SV2B: variants seen among roughly 807,000 people sequenced by gnomAD.
SV2B encodes the protein synaptic vesicle glycoprotein 2B, also known as solute carrier family 22 member B2.
In SV2B, 41 loss-of-function variants were observed where a neutral mutation model predicts 73.9. That is an observed-to-expected ratio of 0.56 (90% CI 0.43 to 0.72). SV2B has a LOEUF of 0.72. Among genes scored for constraint, SV2B ranks in the 30% least tolerant of loss-of-function variants. The pLI, the probability that SV2B is intolerant of heterozygous loss-of-function variation, is 0.00. For synonymous variants in SV2B, 314 were observed against 314.2 expected, an observed-to-expected ratio of 1.00 and a Z score of 0.01; for missense variants, 764 against 857.8, an observed-to-expected ratio of 0.89 and a Z score of 1.37.
intron 1 of SV2B, among the ~76,000 whole-genome samples, chr15:91,153,880 T>C (rs1468135957): frequency 1.3e-5 from 2 of 152,006 alleles, no homozygotes; most frequent in Non-Finnish European, 2.9e-5. Flanking sequence ...TCTCTGCAAA[T>C]GTAGGCAGGC....
In SV2B at chr15:91,254,148, CT is replaced by C. The variant is rs577707428; in HGVS notation, c.784+1635del. 8.6e-5 allele frequency among the ~76,000 whole-genome samples: 13 copies of C among 151,078 alleles called. No homozygotes were observed. The East Asian group carries it at 2.5e-3, about 29-fold the overall frequency. ...GTTTTGAGGCATTGCTTTCCTTTTT[CT>C]TTTTTTCCTCACAATTCTTGATATA... On this transcript the variant is annotated intron_variant, in intron 4 of 12. Transcript: ENST00000394232.
At chr15:91,138,549 A>T (rs2042910604) in intron 1 of SV2B, among the ~76,000 whole-genome samples, 1 of 152,210 alleles carries the variant, frequency 6.6e-6, no homozygotes. Flanking sequence ...CCAATAACAG[A>T]TTGAAGATTT....
intron 1 of SV2B, among the ~76,000 whole-genome samples, chr15:91,112,788 A>C (rs1310549096): frequency 6.6e-6 from 1 of 152,134 alleles, no homozygotes; most frequent in African/African-American, 2.4e-5. Flanking sequence ...CTTACTTATA[A>C]TCCCCACCAT....
chr15:91,156,695 C>G (rs1239677802), intron 1 of SV2B, among the ~76,000 whole-genome samples: 6 of 152,184 alleles, frequency 3.9e-5, no homozygotes, highest in Admixed American at 2.0e-4. Flanking sequence ...TAGTTGAAAA[C>G]AAACTCAGAC....
rs2141371320 is a variant in SV2B at position 91,197,196 on chromosome 15, T to C, written c.-391-28677T>C. ...AAAAGAAATGCTGTGATCATTGTTT[T>C]GTTTTTGTGTTTTTTTTGTTTTTTG... On this transcript the variant is annotated intron_variant, in intron 1 of 12. Coordinates refer to ENST00000394232, the MANE Select transcript of SV2B (RefSeq NM_001323032.3). This position sits in a 1 kb window ranked among gnomAD's most constrained non-coding sequence, Gnocchi z 4.9. Among the ~76,000 whole-genome samples, 1 of 151,844 alleles carries C rather than the reference T, an allele frequency of 6.6e-6. No individual in the cohort carries two copies. Among genetic ancestry groups the C allele is most frequent in the Non-Finnish European group, 1.5e-5 (1 of 68,028 alleles).
rs1251990586 is a variant in SV2B at position 91,241,939 on chromosome 15, C to A, written c.452-9880C>A. ...CCTCACTTTCTGTTCTCACTTGAAC[C>A]CACTTTCAGTAGAATGAATGAGTGA... On this transcript the variant is annotated intron_variant, in intron 2 of 12. Transcript: ENST00000394232. This position sits in a 1 kb window ranked among gnomAD's most constrained non-coding sequence, Gnocchi z 4.8. 6.6e-6 allele frequency among the ~76,000 whole-genome samples: 1 copy of A among 152,200 alleles called. No individual in the cohort carries two copies. The highest frequency in any genetic ancestry group is 1.5e-5 in the Non-Finnish European group (1 of 68,044).
At chr15:91,219,744 C>T (rs1303765994) in intron 1 of SV2B, among the ~76,000 whole-genome samples, 1 of 152,194 alleles carries the variant, frequency 6.6e-6, no homozygotes, top group African/African-American at 2.4e-5. Flanking sequence ...CATCAACACC[C>T]TCCCCACACC....
At chr15:91,107,170 G>A (rs2041906147) in intron 1 of SV2B, among the ~76,000 whole-genome samples, 1 of 152,084 alleles carries the variant, frequency 6.6e-6, no homozygotes, top group African/African-American at 2.4e-5. Flanking sequence ...GTGAGAAAGA[G>A]ATGCAAGCTG....
rs147066543 is a variant in SV2B, at chr15:91,281,067, A to T, written c.1374-661A>T. 2.6e-4 allele frequency among the ~76,000 whole-genome samples: 40 copies of T among 152,370 alleles called. 1 individual carries two copies. The East Asian group carries it at 6.0e-3, about 23-fold the overall frequency. ...TATGGCATCTATTACATATGTATGT[A>T]TGTAGTAATCCATTGTTGTTACAAG... On this transcript the variant is annotated intron_variant, in intron 9 of 12. Coordinates refer to ENST00000394232, the MANE Select transcript of SV2B (RefSeq NM_001323032.3). The surrounding 1 kb of genome is among the most constrained non-coding windows in gnomAD (Gnocchi z 4.7).
intron 1 of SV2B, among the ~76,000 whole-genome samples, chr15:91,131,698 C>T (rs1341579320): frequency 6.6e-6 from 1 of 151,458 alleles, no homozygotes; most frequent in Non-Finnish European, 1.5e-5. Context: ...TGTGGTGGCT[C>T]ATGCCTGTAA....
Position 91,189,993 on chromosome 15 carries a change from A to AAAAG in SV2B, c.-391-35860_-391-35857dup, listed in dbSNP as rs540890081. ...ACAGAGCGAGACGCCATCTCAAAAA[A>AAAAG]AAAGAAAGAAAGAAAGAAAGAAAAA... is the stretch of plus-strand genomic sequence containing the variant. On this transcript the variant is annotated intron_variant, in intron 1 of 12. Transcript: ENST00000394232. Among the ~76,000 whole-genome samples the AAAAG allele has an allele frequency of 7.0e-4, 107 of 152,318 alleles. 2 individuals carry two copies. The South Asian group carries it at 0.018, about 26-fold the overall frequency.
chr15:91,161,583 T>C (rs914202443), intron 1 of SV2B, among the ~76,000 whole-genome samples: 2 of 152,236 alleles, frequency 1.3e-5, no homozygotes, highest in African/African-American at 4.8e-5. Context: ...CTAAGTCATT[T>C]ATTTCTCACA....
Position 91,106,128 on chromosome 15 carries a change from C to G in SV2B, c.-392+5765C>G, listed in dbSNP as rs2041875822. 2.0e-5 allele frequency among the ~76,000 whole-genome samples: 3 copies of G among 152,086 alleles called. No homozygotes were observed. The South Asian group carries it at 6.2e-4, about 32-fold the overall frequency. On this transcript the variant is annotated intron_variant, in intron 1 of 12. Coordinates refer to ENST00000394232, the MANE Select transcript of SV2B (RefSeq NM_001323032.3). The surrounding 1 kb of genome is among the most constrained non-coding windows in gnomAD (Gnocchi z 4.4). ...GCAGGATGTGTGGATGAGTTAGATA[C>G]TTAGAGTATGAGAAAAAGATGACAT...
intron 1 of SV2B, among the ~76,000 whole-genome samples, chr15:91,208,378 C>T (rs1189231554): frequency 6.6e-6 from 1 of 152,138 alleles, no homozygotes; most frequent in Non-Finnish European, 1.5e-5. Context: ...GTGTTTTCCC[C>T]CCACCCTTGA....
chr15:91,194,457 G>A (rs562846253), intron 1 of SV2B, among the ~76,000 whole-genome samples: 5 of 152,260 alleles, frequency 3.3e-5, no homozygotes, highest in Admixed American at 2.0e-4. Flanking sequence ...TCTTTTGGTG[G>A]CCATACGCAC....
chr15:91,120,922 G>A (rs1045465399), intron 1 of SV2B, among the ~76,000 whole-genome samples: 1 of 151,960 alleles, frequency 6.6e-6, no homozygotes, highest in African/African-American at 2.4e-5. Flanking sequence ...AATCCTTCCA[G>A]TTTTCTCAAC....
At chr15:91,158,191 G>C (rs955816509) in intron 1 of SV2B, among the ~76,000 whole-genome samples, 8 of 152,168 alleles carry the variant, frequency 5.3e-5, no homozygotes, top group African/African-American at 1.7e-4. Flanking sequence ...GGTCAAGAGG[G>C]CTCTGCCCTT....
At position 91,245,798 on chromosome 15, in the gene SV2B, G is replaced by A. The variant is rs974002375; in HGVS notation, c.452-6021G>A. Among the ~76,000 whole-genome samples, 47 of 152,008 alleles carry A rather than the reference G, an allele frequency of 3.1e-4. No individual in the cohort carries two copies. The highest frequency in any genetic ancestry group is 3.3e-4 in the Admixed American group (5 of 15,272). On this transcript the variant is annotated intron_variant, in intron 2 of 12. Coordinates refer to ENST00000394232, the MANE Select transcript of SV2B (RefSeq NM_001323032.3). The surrounding 1 kb of genome is among the most constrained non-coding windows in gnomAD (Gnocchi z 4.2). ...ATGCTGCCAAAAGACTATCAGGGACGACTGAAATTTGGAACAGGAACCAAC... is the reference window on the plus strand; with the variant it reads ...ATGCTGCCAAAAGACTATCAGGGACAACTGAAATTTGGAACAGGAACCAAC...
At chr15:91,170,852 T>C (rs1202941764) in intron 1 of SV2B, among the ~76,000 whole-genome samples, 2 of 113,932 alleles carry the variant, frequency 1.8e-5, no homozygotes, top group Admixed American at 8.4e-5. Context: ...TGTATTTAGG[T>C]TTTTTTTTTT....
Sources: allele counts gnomAD v4.1 joint callset (sites outside exome capture counted in the v4.1 genomes callset), GRCh38; gene constraint gnomAD v4.1.1; non-coding constraint Gnocchi (gnomAD v3.1); transcripts MANE v1.5; gene names NCBI Gene and HGNC (gene_info 2026-07-23, HGNC 2026-07-21).